The following NKAIN2 variants were observed in gnomAD, a reference collection of about 807,000 sequenced individuals.
The protein encoded by NKAIN2 is sodium/potassium transporting ATPase interacting 2, also known as sodium/potassium-transporting ATPase subunit beta-1-interacting protein 2.
NKAIN2 carries 14 observed loss-of-function variants against 32.6 expected under a neutral mutation model. That is an observed-to-expected ratio of 0.43 (90% confidence interval 0.28 to 0.67). The LOEUF is 0.67. Among genes scored for constraint, NKAIN2 ranks in the 30% least tolerant of loss-of-function variants. The pLI is 0.17. For synonymous variants in NKAIN2, 80 were observed against 87.2 expected, an observed-to-expected ratio of 0.92 and a Z score of 0.46; for missense variants, 198 against 258.3, an observed-to-expected ratio of 0.77 and a Z score of 1.60.
intron 1 of NKAIN2, among the ~76,000 whole-genome samples, chr6:124,268,073 G>T (rs558957395): frequency 4.6e-5 from 7 of 152,200 alleles, no homozygotes; most frequent in African/African-American, 1.4e-4. Flanking sequence ...TATCGTGTAT[G>T]TAATAATTAA....
chr6:123,870,946 C>A (rs191162977), intron 1 of NKAIN2, among the ~76,000 whole-genome samples: 1 of 152,016 alleles, frequency 6.6e-6, no homozygotes, highest in African/African-American at 2.4e-5. Context: ...ATTTTCCAAT[C>A]GTCAGAAGCA....
At chr6:124,431,692 A>G (rs1775223204) in intron 3 of NKAIN2, among the ~76,000 whole-genome samples, 1 of 152,182 alleles carries the variant, frequency 6.6e-6, no homozygotes, top group African/African-American at 2.4e-5. Flanking sequence ...TTAATTAATT[A>G]GAACAGCAAA....
chr6:124,742,090 A>C (rs1184618966), intron 4 of NKAIN2, among the ~76,000 whole-genome samples: 2 of 151,880 alleles, frequency 1.3e-5, no homozygotes, highest in Non-Finnish European at 2.9e-5. Flanking sequence ...TGCAGCAAAC[A>C]ATAGCTTCTC....
At chr6:124,472,316 C>CA (rs1777007172) in intron 3 of NKAIN2, among the ~76,000 whole-genome samples, 2 of 152,040 alleles carry the variant, frequency 1.3e-5, no homozygotes, top group South Asian at 4.2e-4. Context: ...TGGTCATATC[C>CA]AAAAAATATA....
At chr6:124,638,489 G>T (rs1037510230) in intron 3 of NKAIN2, among the ~76,000 whole-genome samples, 3 of 152,130 alleles carry the variant, frequency 2.0e-5, no homozygotes, top group Admixed American at 2.0e-4. Flanking sequence ...GTAGATGGGA[G>T]AAAATATTTG....
At chr6:124,661,808 GATAAA>G in intron 4 of NKAIN2, among the ~76,000 whole-genome samples, 1 of 152,264 alleles carries the variant, frequency 6.6e-6, no homozygotes, top group Admixed American at 6.5e-5. Flanking sequence ...TTTCAAAATA[GATAAA>G]ATAAATGTAT....
intron 3 of NKAIN2, among the ~76,000 whole-genome samples, chr6:124,588,195 G>A (rs772490573): frequency 6.6e-6 from 1 of 152,084 alleles, no homozygotes; most frequent in Non-Finnish European, 1.5e-5. Context: ...ACATAGCATC[G>A]TGGAGATATA....
chr6:124,514,765 GAAA>G (rs546177544), intron 3 of NKAIN2, among the ~76,000 whole-genome samples: 1 of 110,322 alleles, frequency 9.1e-6, no homozygotes, highest in Admixed American at 9.6e-5. Context: ...CTTGGGTATT[GAAA>G]AAAAAAAAAA....
intron 1 of NKAIN2, among the ~76,000 whole-genome samples, chr6:123,842,661 T>G (rs1774921380): frequency 6.6e-6 from 1 of 151,964 alleles, no homozygotes; most frequent in Non-Finnish European, 1.5e-5. Context: ...ATTTGACTCT[T>G]GTCTATGTTT....
At chr6:124,062,229 T>C (rs563726575) in intron 1 of NKAIN2, among the ~76,000 whole-genome samples, 65 of 152,312 alleles carry the variant, frequency 4.3e-4, no homozygotes, top group African/African-American at 1.5e-3. Flanking sequence ...ATTAAGAACA[T>C]AATGTTTTAG....
At chr6:123,932,377 A>G (rs1273126024) in intron 1 of NKAIN2, among the ~76,000 whole-genome samples, 1 of 127,522 alleles carries the variant, frequency 7.8e-6, no homozygotes, top group Non-Finnish European at 1.5e-5. Flanking sequence ...ACATGTGTGG[A>G]GTAGAGAAGT....
rs527262562 is a variant in NKAIN2, at chr6:124,589,385, T to G, written c.274-68801T>G. On this transcript the variant is annotated intron_variant, in intron 3 of 6. Coordinates refer to ENST00000368417, the MANE Select transcript of NKAIN2 (RefSeq NM_001040214.3). ...ACCCTCAATGGGAAGTACTCTAATA[T>G]TCGTTAAATATTATATGACCTTCCT... is the stretch of plus-strand genomic sequence containing the variant. Among the ~76,000 whole-genome samples the G allele has an allele frequency of 2.6e-5, 4 of 152,310 alleles. No individual in the cohort carries two copies. The East Asian group carries it at 7.7e-4, about 29-fold the overall frequency.
intron 1 of NKAIN2, among the ~76,000 whole-genome samples, chr6:123,919,299 A>T (rs1012074545): frequency 6.6e-6 from 1 of 152,090 alleles, no homozygotes; most frequent in Non-Finnish European, 1.5e-5. Context: ...GTAAGATTTG[A>T]GAAAAGTTTA....
chr6:124,796,903 C>A (rs1476656780), intron 5 of NKAIN2, among the ~76,000 whole-genome samples: 1 of 152,118 alleles, frequency 6.6e-6, no homozygotes, highest in African/African-American at 2.4e-5. Context: ...TCCTTATGGC[C>A]TCCCGTCTTC....
intron 1 of NKAIN2, among the ~76,000 whole-genome samples, chr6:124,279,324 G>C (rs954207485): frequency 6.6e-6 from 1 of 151,884 alleles, no homozygotes; most frequent in African/African-American, 2.4e-5. Context: ...TGGCTAACAC[G>C]GTGAAACCCC....
chr6:124,792,374 T>C (rs1307932364), intron 5 of NKAIN2, among the ~76,000 whole-genome samples: 1 of 152,128 alleles, frequency 6.6e-6, no homozygotes, highest in African/African-American at 2.4e-5. Flanking sequence ...GAGGCACTTT[T>C]CAATCGTACT....
At chr6:124,549,910 T>C (rs1376317580) in intron 3 of NKAIN2, among the ~76,000 whole-genome samples, 1 of 152,174 alleles carries the variant, frequency 6.6e-6, no homozygotes, top group South Asian at 2.1e-4. Context: ...AGGTGGTGTC[T>C]TCCATGAGTC....
intron 1 of NKAIN2, among the ~76,000 whole-genome samples, chr6:123,941,715 C>T (rs542575080): frequency 6.6e-6 from 1 of 151,944 alleles, no homozygotes; most frequent in Non-Finnish European, 1.5e-5. Flanking sequence ...ATAGCATTTC[C>T]AAGAATCTGT....
At chr6:124,513,412 C>T (rs1778791160) in intron 3 of NKAIN2, among the ~76,000 whole-genome samples, 1 of 152,092 alleles carries the variant, frequency 6.6e-6, no homozygotes, top group African/African-American at 2.4e-5. Context: ...GTGCATAATA[C>T]CTACCATTTT....
Sources: allele counts gnomAD v4.1 joint callset (sites outside exome capture counted in the v4.1 genomes callset), GRCh38; gene constraint gnomAD v4.1.1; transcripts MANE v1.5; gene names NCBI Gene and HGNC (gene_info 2026-07-23, HGNC 2026-07-21).